Variants in MACROD2 observed in about 807,000 individuals in gnomAD.
MACROD2 encodes the protein ADP-ribose glycohydrolase MACROD2.
MACROD2 carries 36 observed loss-of-function variants against 70.4 expected under a neutral mutation model. That is an observed-to-expected ratio of 0.51 (90% CI 0.39 to 0.68). MACROD2 has a LOEUF of 0.68. Among genes scored for constraint, MACROD2 ranks in the 30% least tolerant of loss-of-function variants. MACROD2 has a pLI of 0.00. For missense variants in MACROD2, 496 were observed against 538.4 expected (o/e 0.92, Z 0.78); for synonymous variants, 172 against 178.8 (o/e 0.96, Z 0.30).
intron 5 of MACROD2, among the ~76,000 whole-genome samples, chr20:15,107,821 T>G: frequency 6.6e-6 from 1 of 152,062 alleles, no homozygotes; most frequent in East Asian, 1.9e-4. Flanking sequence ...ATTTTTACTG[T>G]TTGGAATAGC....
At chr20:14,847,157 A>G (rs2073151325) in intron 5 of MACROD2, among the ~76,000 whole-genome samples, 1 of 152,196 alleles carries the variant, frequency 6.6e-6, no homozygotes, top group African/African-American at 2.4e-5. Flanking sequence ...CTACTTCTGT[A>G]ACATTAATTT....
At chr20:15,032,744 T>G (rs2075285320) in intron 5 of MACROD2, among the ~76,000 whole-genome samples, 1 of 152,182 alleles carries the variant, frequency 6.6e-6, no homozygotes, top group African/African-American at 2.4e-5. Context: ...TAAAAGAATT[T>G]AAAACAGGGA....
At chr20:15,655,441 A>G (rs2049715539) in intron 8 of MACROD2, among the ~76,000 whole-genome samples, 1 of 152,040 alleles carries the variant, frequency 6.6e-6, no homozygotes, top group Non-Finnish European at 1.5e-5. Flanking sequence ...CTCTGTTTGA[A>G]AAGCTGAATT....
At chr20:14,051,448 A>C (rs1272142542) in intron 2 of MACROD2, among the ~76,000 whole-genome samples, 1 of 152,178 alleles carries the variant, frequency 6.6e-6, no homozygotes. Context: ...GGACGTTTAC[A>C]GAAGTATATT....
chr20:14,169,265 T>C (rs959590546), intron 3 of MACROD2, among the ~76,000 whole-genome samples: 3 of 152,046 alleles, frequency 2.0e-5, no homozygotes, highest in Non-Finnish European at 2.9e-5. Context: ...ATTTAAATAA[T>C]TAAACTTTTT....
chr20:14,213,379 A>AAAAAAAAG (rs2081586687), intron 3 of MACROD2, among the ~76,000 whole-genome samples: 1 of 148,748 alleles, frequency 6.7e-6, no homozygotes, highest in Non-Finnish European at 1.5e-5. Context: ...AAAAAAAAAA[A>AAAAAAAAG]AAAAAAAGGC....
intron 6 of MACROD2, among the ~76,000 whole-genome samples, chr20:15,420,874 C>T (rs908712458): frequency 6.6e-6 from 1 of 151,994 alleles, no homozygotes; most frequent in Non-Finnish European, 1.5e-5. Flanking sequence ...TTACTTGATG[C>T]TAGGAGTTGG....
chr20:15,044,955 C>G (rs2075381815), intron 5 of MACROD2, among the ~76,000 whole-genome samples: 1 of 152,082 alleles, frequency 6.6e-6, no homozygotes, highest in Admixed American at 6.6e-5. Flanking sequence ...TGTTAAAATG[C>G]AGCATCTGAA....
intron 2 of MACROD2, among the ~76,000 whole-genome samples, chr20:14,018,151 T>C (rs1298859689): frequency 1.3e-5 from 2 of 152,180 alleles, no homozygotes; most frequent in South Asian, 2.1e-4. Context: ...TTTCTGATCA[T>C]AGTAATTTGT....
chr20:15,881,643 C>CCTA (rs1256155646), intron 9 of MACROD2, among the ~76,000 whole-genome samples: 1 of 152,074 alleles, frequency 6.6e-6, no homozygotes, highest in African/African-American at 2.4e-5. Context: ...TTTAAATGTG[C>CCTA]CTACGTCTTA....
At chr20:14,235,699 T>C (rs1395785601) in intron 3 of MACROD2, among the ~76,000 whole-genome samples, 1 of 151,732 alleles carries the variant, frequency 6.6e-6, no homozygotes, top group East Asian at 1.9e-4. Flanking sequence ...GATTACACTT[T>C]TTTCACGATT....
intron 3 of MACROD2, among the ~76,000 whole-genome samples, chr20:14,320,098 G>A (rs1473541689): frequency 6.6e-6 from 1 of 152,136 alleles, no homozygotes; most frequent in Non-Finnish European, 1.5e-5. Flanking sequence ...ATGTAAACCT[G>A]TACTGCGCAC....
chr20:15,570,192 C>A (rs1187519242), intron 8 of MACROD2, among the ~76,000 whole-genome samples: 1 of 151,964 alleles, frequency 6.6e-6, no homozygotes, highest in African/African-American at 2.4e-5. Flanking sequence ...TACAGCCTTG[C>A]CAACACTTGT....
intron 6 of MACROD2, among the ~76,000 whole-genome samples, chr20:15,378,078 C>T (rs867566649): frequency 1.3e-5 from 2 of 151,640 alleles, no homozygotes; most frequent in South Asian, 4.2e-4. Flanking sequence ...CACCATGGCA[C>T]GTGTATACCT....
chr20:15,415,494 A>G (rs549867748), intron 6 of MACROD2, among the ~76,000 whole-genome samples: 33 of 152,346 alleles, frequency 2.2e-4, no homozygotes, highest in African/African-American at 7.2e-4. Flanking sequence ...ATGGGCAGAA[A>G]TCCTTCCACA....
chr20:16,042,688 G>T (rs987722557), intron 16 of MACROD2, among the ~76,000 whole-genome samples: 6 of 152,030 alleles, frequency 3.9e-5, no homozygotes, highest in African/African-American at 7.2e-5. Flanking sequence ...ACACTGAGAA[G>T]GGTGAACTCA....
At chr20:15,863,800 G>A (rs1462278275) in intron 9 of MACROD2, among the ~76,000 whole-genome samples, 1 of 152,156 alleles carries the variant, frequency 6.6e-6, no homozygotes. Flanking sequence ...GATCAGAGTA[G>A]GATGTGTTCT....
chr20:14,075,415 G>A (rs1286148633), intron 2 of MACROD2, among the ~76,000 whole-genome samples: 6 of 152,182 alleles, frequency 3.9e-5, no homozygotes, highest in African/African-American at 1.4e-4. Context: ...AGGCATCCAC[G>A]AAGGGTCTTG....
chr20:15,295,316 G>A (rs1376584634), intron 6 of MACROD2, among the ~76,000 whole-genome samples: 1 of 152,094 alleles, frequency 6.6e-6, no homozygotes, highest in African/African-American at 2.4e-5. Flanking sequence ...TATGAAAATA[G>A]ACTAATACAC....
Sources: allele counts gnomAD v4.1 joint callset (sites outside exome capture counted in the v4.1 genomes callset), GRCh38; gene constraint gnomAD v4.1.1; transcripts MANE v1.5; gene names NCBI Gene and HGNC (gene_info 2026-07-23, HGNC 2026-07-21).